CRACDL: variants seen among roughly 807,000 people sequenced by gnomAD.
CRACDL encodes the protein CRACD like, also known as CRACD-like protein.
In CRACDL, 26 loss-of-function variants were observed where a neutral mutation model predicts 70.6. The ratio of observed to expected loss-of-function variants is 0.37; its 90% confidence interval spans 0.27 to 0.51. The LOEUF is 0.51. Ranked by LOEUF, CRACDL falls within the 20% of genes least tolerant of loss-of-function variation. The pLI is 0.94. For synonymous variants in CRACDL, 618 were observed against 615.2 expected (o/e 1.00, Z -0.07); for missense variants, 1,283 against 1,376.9 (o/e 0.93, Z 1.08).
intron 3 of CRACDL, 85 bp downstream of exon 3, chr2:98,838,034 G>T (rs1048186162): frequency 8.3e-7 from 1 of 1,206,390 alleles, no homozygotes; most frequent in East Asian, 2.5e-5. Flanking sequence ...GGAGGAAAGG[G>T]GGCTCAGAAA....
At chr2:98,919,899 T>C (rs1283562966) in intron 1 of CRACDL, among the ~76,000 whole-genome samples, 2 of 152,150 alleles carry the variant, frequency 1.3e-5, no homozygotes, top group Non-Finnish European at 2.9e-5. Flanking sequence ...ACTGCAGGTA[T>C]GCACCACCAC....
In CRACDL at chr2:98,846,779, C is replaced by A. The variant is rs267599506; in HGVS notation, c.22G>T (p.Asp8Tyr). 2 of 1,614,194 alleles carry A rather than the reference C, an allele frequency of 1.2e-6. No homozygotes were observed. Among genetic ancestry groups the A allele is most frequent in the Non-Finnish European group, 8.5e-7 (1 of 1,180,006 alleles). ...TCTGCAGCCTCCCGAAGCTTAATGT[C>A]CATCACCCTTGTGGAAATCATGTCA... Reference protein sequence around the residue: MISTRVMDIKLREAAEGL... With the variant: MISTRVMYIKLREAAEGL... Residue 8 changes from aspartate (D) to tyrosine (Y), a missense_variant, in exon 2 of 10, where the codon GAC becomes TAC. By Grantham distance (160) the Asp-to-Tyr change is radical. This residue lies in a region of CRACDL where 362 missense variants were observed against 495.0 expected (regional missense o/e 0.73). Transcript: ENST00000397899.
chr2:98,832,684 T>C (rs1489106021), intron 4 of CRACDL, among the ~76,000 whole-genome samples, 172 bp from the exon 5 acceptor site: 2 of 152,234 alleles, frequency 1.3e-5, no homozygotes, highest in Non-Finnish European at 2.9e-5. Context: ...CTCTTCTTTG[T>C]TCATCTAAGA....
In CRACDL at chr2:98,822,114, G is replaced by C. The variant is rs1310306610; in HGVS notation, c.2159C>G (p.Thr720Ser). The change falls in exon 7 of 10, where the codon ACC becomes AGC. Residue 720 changes from threonine to serine, a missense_variant. Thr to Ser is a moderately conservative substitution (Grantham distance 58). Around this residue, in one of 2 missense-constraint regions of CRACDL, gnomAD observed 921 missense variants for 881.9 expected, o/e 1.04. Coordinates refer to ENST00000397899, the MANE Select transcript of CRACDL (RefSeq NM_207362.3). The surrounding 1 kb of genome is among the most constrained non-coding windows in gnomAD (Gnocchi z 4.9). ...ACACTTCTCCTCCTTCGGGAGCACG[G>C]TCAGCGACCTTTCTAACCGGACCTC... The part of the protein sequence containing the change: ...SAEVRLERSL[T>S]VLPKEEKCPL... 2 of 1,581,668 alleles carry C rather than the reference G, an allele frequency of 1.3e-6. No individual in the cohort carries two copies. Among genetic ancestry groups the C allele is most frequent in the South Asian group, 1.2e-5 (1 of 86,674 alleles).
At position 98,823,051 on chromosome 2, in the gene CRACDL, C is replaced by G. The variant is rs1287478501; in HGVS notation, c.1222G>C (p.Glu408Gln). 1.9e-6 allele frequency: 3 copies of G among 1,551,836 alleles called. No individual in the cohort carries two copies. The highest frequency in any genetic ancestry group is 1.2e-5 in the South Asian group (1 of 84,182). Reference sequence around the variant, plus strand: ...GTCTCGGGGGGAGTCGTGTCCCCCTCAGGGATGGCGGTGGGAAACGGGCTC... The same window carrying G: ...GTCTCGGGGGGAGTCGTGTCCCCCTGAGGGATGGCGGTGGGAAACGGGCTC... ...VASPFPTAIPEGDTTPPETDP... is the reference protein window; with the variant it reads ...VASPFPTAIPQGDTTPPETDP... Residue 408 changes from glutamate to glutamine, a missense_variant, in exon 7 of 10, where the codon GAG becomes CAG. Physicochemically the swap from Glu to Gln is conservative, Grantham distance 29. Coordinates refer to ENST00000397899, the MANE Select transcript of CRACDL (RefSeq NM_207362.3). The surrounding 1 kb of genome is among the most constrained non-coding windows in gnomAD (Gnocchi z 4.0).
At position 98,866,472 on chromosome 2, in the gene CRACDL, CTTCTTTTTTTTT is replaced by C. The variant is rs1432971642; in HGVS notation, c.-10-19674_-10-19663del. On this transcript the variant is annotated intron_variant, in intron 1 of 9. Transcript: ENST00000397899. ...CACCTGATAGATGAAACAATCACTT[CTTCTTTTTTTTT>C]TTTTTTTTTTTTTTTTTTTTGAGAC... Among the ~76,000 whole-genome samples, 11 of 107,812 alleles carry C rather than the reference CTTCTTTTTTTTT, an allele frequency of 1.0e-4. 1 individual carries two copies. The highest frequency in any genetic ancestry group is 1.4e-4 in the African/African-American group (4 of 28,392). 70.7% of individuals were successfully genotyped at this position (107,812 alleles called of 152,430 possible). A position where few individuals can be genotyped will look rare whatever the true frequency, so the allele number is the denominator to read the frequency against.
intron 7 of CRACDL, among the ~76,000 whole-genome samples, chr2:98,817,770 G>A (rs1704845513): frequency 6.6e-6 from 1 of 152,222 alleles, no homozygotes; most frequent in Non-Finnish European, 1.5e-5. Flanking sequence ...AGAGACTGGA[G>A]TGTGTTACTC....
chr2:98,838,088 C>T (rs772996072), intron 3 of CRACDL, 31 bp downstream of exon 3: 2 of 1,571,134 alleles, frequency 1.3e-6, no homozygotes, highest in South Asian at 2.4e-5. Context: ...TTTAGGTGCT[C>T]CTGGCCCGAG....
intron 1 of CRACDL, among the ~76,000 whole-genome samples, chr2:98,919,635 T>C (rs1708752791): frequency 6.6e-6 from 1 of 152,216 alleles, no homozygotes; most frequent in Admixed American, 6.5e-5. Flanking sequence ...GGCTTGATGG[T>C]TTCCCAAGTG....
At chr2:98,846,048 G>A (rs1176495378) in intron 2 of CRACDL, among the ~76,000 whole-genome samples, 1 of 152,194 alleles carries the variant, frequency 6.6e-6, no homozygotes, top group Non-Finnish European at 1.5e-5. Context: ...GAGAGAGATG[G>A]AGGCCTTGGT....
At chr2:98,918,813 C>T (rs1249201831) in intron 1 of CRACDL, among the ~76,000 whole-genome samples, 3 of 151,964 alleles carry the variant, frequency 2.0e-5, no homozygotes, top group Non-Finnish European at 4.4e-5. Context: ...TTGTTAAGTT[C>T]CTGGTAAATT....
intron 1 of CRACDL, among the ~76,000 whole-genome samples, chr2:98,911,474 C>T (rs1708546969): frequency 6.6e-6 from 1 of 152,206 alleles, no homozygotes; most frequent in African/African-American, 2.4e-5. Context: ...CTCTCAGACT[C>T]TCACAGTTGA....
intron 7 of CRACDL, among the ~76,000 whole-genome samples, chr2:98,818,861 C>T (rs1272460618): frequency 6.6e-6 from 1 of 152,208 alleles, no homozygotes; most frequent in Non-Finnish European, 1.5e-5. Context: ...GCAGGCCCAG[C>T]CTGTCCTGGT....
At position 98,832,420 on chromosome 2, in the gene CRACDL, C is replaced by T. The variant is rs536845862; in HGVS notation, c.468G>A (p.Glu156=). ...GGGGGCTCCTGGGCAGCCCGTCGTCCTCAGAGCTCATGCCGGCATCCTCTC... is the reference window on the plus strand; with the variant it reads ...GGGGGCTCCTGGGCAGCCCGTCGTCTTCAGAGCTCATGCCGGCATCCTCTC... The part of the protein sequence containing the change: ...KRGEDAGMSS[E]DDGLPRSPPE... The change falls in exon 5 of 10, where the codon GAG becomes GAA. Residue 156 remains glutamate, a synonymous_variant. Transcript: ENST00000397899. 9 of 1,614,168 alleles carry T rather than the reference C, an allele frequency of 5.6e-6. No individual in the cohort carries two copies. Among genetic ancestry groups the T allele is most frequent in the South Asian group, 3.3e-5 (3 of 91,082 alleles).
intron 7 of CRACDL, among the ~76,000 whole-genome samples, chr2:98,798,538 T>C (rs900721465): frequency 8.6e-5 from 13 of 151,178 alleles, no homozygotes; most frequent in African/African-American, 3.2e-4. Flanking sequence ...CCATATTTAC[T>C]GTGCTTGTCT....
At chr2:98,930,513 C>A (rs1482813806) in intron 1 of CRACDL, among the ~76,000 whole-genome samples, 1 of 126,114 alleles carries the variant, frequency 7.9e-6, no homozygotes, top group African/African-American at 3.1e-5. Flanking sequence ...CTACTCCATC[C>A]CCATCCCCAC....
At chr2:98,882,424 G>A (rs1280008236) in intron 1 of CRACDL, among the ~76,000 whole-genome samples, 1 of 152,222 alleles carries the variant, frequency 6.6e-6, no homozygotes, top group Non-Finnish European at 1.5e-5. Flanking sequence ...CTGGTTTCAG[G>A]CCCAGGAGAG....
At chr2:98,929,759 TG>T (rs777991129) in intron 1 of CRACDL, among the ~76,000 whole-genome samples, 8 of 152,112 alleles carry the variant, frequency 5.3e-5, no homozygotes, top group Non-Finnish European at 1.0e-4. Context: ...CATTCAATTT[TG>T]AAGAAAAAAA....
Position 98,826,840 on chromosome 2 carries a change from A to G in CRACDL, c.735+135T>C, listed in dbSNP as rs1705320885. ...GATGAGCAACTTCAGCTCCTGCAGC[A>G]TGGCTCCATCAACTGTGGGGTGCTC... On this transcript the variant is annotated intron_variant, in intron 6 of 9. Coordinates refer to ENST00000397899, the MANE Select transcript of CRACDL (RefSeq NM_207362.3). 6 of 599,382 alleles carry G rather than the reference A, an allele frequency of 1.0e-5. No homozygotes were observed. The South Asian group carries it at 1.0e-4, about 10-fold the overall frequency. The allele number at this position is 599,382 out of a possible 1,614,324, so 37.1% of individuals were successfully genotyped here.
Sources: allele counts gnomAD v4.1 joint callset (sites outside exome capture counted in the v4.1 genomes callset), GRCh38; gene constraint gnomAD v4.1.1; regional missense constraint gnomAD v4.1.1; non-coding constraint Gnocchi (gnomAD v3.1); transcripts MANE v1.5; gene names NCBI Gene and HGNC (gene_info 2026-07-23, HGNC 2026-07-21).